DDX10: variants seen among roughly 807,000 people sequenced by gnomAD.
DDX10 encodes the protein DEAD-box helicase 10.
A neutral mutation model predicts 104.3 loss-of-function variants in DDX10; 74 were observed. The ratio of observed to expected loss-of-function variants is 0.71; its 90% CI spans 0.59 to 0.86. DDX10 has a LOEUF of 0.86. Among genes scored for constraint, DDX10 ranks in the 40% least tolerant of loss-of-function variants. The probability of loss-of-function intolerance (pLI) is 0.00; values close to 1 mark genes in which losing one functional copy is unlikely to be tolerated. For missense variants in DDX10, 952 were observed against 1,040.0 expected (o/e 0.92, Z 1.16); for synonymous variants, 351 against 353.4 (o/e 0.99, Z 0.08).
chr11:108,838,209 G>A, intron 13 of DDX10: 1 of 296,774 alleles, frequency 3.4e-6, no homozygotes, highest in Non-Finnish European at 6.3e-6. Context: ...TAGAGAAAAT[G>A]TAAACGTTAT....
intron 13 of DDX10, among the ~76,000 whole-genome samples, chr11:108,782,359 G>A (rs979005315): frequency 6.6e-6 from 1 of 152,088 alleles, no homozygotes; most frequent in Admixed American, 6.6e-5. Context: ...CTCTGGGTAT[G>A]GTTAGAATCC....
In DDX10 at chr11:108,873,921, C is replaced by T. The variant is rs551564436; in HGVS notation, c.2304+21712C>T. Reference sequence around the variant, plus strand: ...AGGTATTGGACTAAATTGGATCAAACAGTACATGAACTTGTTTCATTCAAA... The same window carrying T: ...AGGTATTGGACTAAATTGGATCAAATAGTACATGAACTTGTTTCATTCAAA... On this transcript the variant is annotated intron_variant, in intron 16 of 17. Transcript: ENST00000322536. Among the ~76,000 whole-genome samples the T allele has an allele frequency of 6.6e-5, 10 of 152,248 alleles. No homozygotes were observed. The South Asian group carries it at 2.1e-3, about 32-fold the overall frequency.
In DDX10 at chr11:108,857,376, G is replaced by T. The variant is rs185201722; in HGVS notation, c.2304+5167G>T. Among the ~76,000 whole-genome samples the T allele has an allele frequency of 5.9e-5, 9 of 152,266 alleles. No individual in the cohort carries two copies. In the East Asian group the frequency reaches 1.7e-3, roughly 29 times the overall value. On this transcript the variant is annotated intron_variant, in intron 16 of 17. Coordinates refer to ENST00000322536, the MANE Select transcript of DDX10 (RefSeq NM_004398.4). ...ATTTATCTTTCTGGGCCTGTTCTCA[G>T]CATGTGTAAAAGGTTACCCCTTTCA... is the stretch of plus-strand genomic sequence containing the variant.
intron 13 of DDX10, among the ~76,000 whole-genome samples, chr11:108,795,547 T>C (rs2134552060): frequency 8.0e-6 from 1 of 125,054 alleles, no homozygotes; most frequent in African/African-American, 3.0e-5. Flanking sequence ...TGTGTCCAAG[T>C]GTTCTCATTG....
chr11:108,882,556 G>A (rs1234306853), intron 16 of DDX10, among the ~76,000 whole-genome samples: 2 of 152,100 alleles, frequency 1.3e-5, no homozygotes, highest in Non-Finnish European at 2.9e-5. Flanking sequence ...ACAACTTCAT[G>A]GTGACATCTA....
intron 13 of DDX10, among the ~76,000 whole-genome samples, chr11:108,810,312 A>G (rs965009073): frequency 1.3e-5 from 2 of 152,224 alleles, no homozygotes; most frequent in African/African-American, 4.8e-5. Flanking sequence ...GCGGGTAAAG[A>G]TGATTAGTTT....
chr11:108,722,910 T>C, intron 12 of DDX10, 87 bp from the exon 13 acceptor site: 1 of 1,464,542 alleles, frequency 6.8e-7, no homozygotes, highest in Non-Finnish European at 9.0e-7. Flanking sequence ...GCTCTAGGAA[T>C]CTCTGCTCTT....
intron 1 of DDX10, among the ~76,000 whole-genome samples, chr11:108,666,283 G>A (rs2094210015): frequency 6.6e-6 from 1 of 152,260 alleles, no homozygotes; most frequent in South Asian, 2.1e-4. Context: ...TTCGAGACCA[G>A]CCTGACCAAC....
intron 10 of DDX10, among the ~76,000 whole-genome samples, chr11:108,710,365 C>T (rs903895634): frequency 5.9e-5 from 9 of 152,112 alleles, no homozygotes; most frequent in African/African-American, 2.2e-4. Context: ...TTAAAACCCA[C>T]ATTATACAGC....
intron 13 of DDX10, among the ~76,000 whole-genome samples, chr11:108,810,115 T>G (rs983537130): frequency 6.6e-6 from 1 of 152,178 alleles, no homozygotes. Flanking sequence ...CCGAGTTCCA[T>G]CTGAATAGAT....
At chr11:108,718,080 C>G (rs1391198669) in intron 11 of DDX10, among the ~76,000 whole-genome samples, 2 of 151,938 alleles carry the variant, frequency 1.3e-5, no homozygotes, top group African/African-American at 4.8e-5. Context: ...CATGAGAATT[C>G]CTTGAACCCT....
intron 16 of DDX10, among the ~76,000 whole-genome samples, chr11:108,861,184 C>T (rs766065438): frequency 1.6e-4 from 24 of 151,708 alleles, no homozygotes; most frequent in Non-Finnish European, 3.2e-4. Context: ...AGAGACTGGC[C>T]TAGCCTCCCA....
rs527432690 is a variant in DDX10, at chr11:108,817,793, A to G, written c.1966-20653A>G. Among the ~76,000 whole-genome samples the G allele has an allele frequency of 7.2e-5, 11 of 152,356 alleles. No individual in the cohort carries two copies. In the South Asian group the frequency reaches 2.3e-3, roughly 32 times the overall value. The stretch of plus-strand genomic sequence containing the variant: ...ACAGGAGGGCATGCAAAGTACAGAT[A>G]GAATAGGAATGACTGATGGGAAACT... On this transcript the variant is annotated intron_variant, in intron 13 of 17. Coordinates refer to ENST00000322536, the MANE Select transcript of DDX10 (RefSeq NM_004398.4).
intron 10 of DDX10, among the ~76,000 whole-genome samples, chr11:108,714,034 C>A (rs1356156228): frequency 6.6e-6 from 1 of 152,162 alleles, no homozygotes; most frequent in Non-Finnish European, 1.5e-5. Context: ...CAAGGCCCAC[C>A]CTCAGGAGAA....
intron 16 of DDX10, among the ~76,000 whole-genome samples, chr11:108,908,892 G>A (rs545767328): frequency 4.3e-4 from 66 of 152,314 alleles, no homozygotes; most frequent in African/African-American, 1.5e-3. Flanking sequence ...CTTTTTACAA[G>A]TTTTACTGAA....
At chr11:108,855,780 A>G (rs373424732) in intron 16 of DDX10, among the ~76,000 whole-genome samples, 1 of 152,156 alleles carries the variant, frequency 6.6e-6, no homozygotes, top group East Asian at 1.9e-4. Flanking sequence ...TTATTAAACA[A>G]AAGTCTGAGG....
intron 16 of DDX10, among the ~76,000 whole-genome samples, chr11:108,863,838 T>G (rs1156741691): frequency 6.6e-6 from 1 of 152,110 alleles, no homozygotes; most frequent in African/African-American, 2.4e-5. Context: ...GGTCTGTAAG[T>G]CCATATTGTG....
At chr11:108,889,837 C>T (rs917818409) in intron 16 of DDX10, among the ~76,000 whole-genome samples, 1 of 152,118 alleles carries the variant, frequency 6.6e-6, no homozygotes, top group Non-Finnish European at 1.5e-5. Context: ...TGAATAGCCA[C>T]ATCATAAGTA....
chr11:108,756,094 A>G (rs1390299075), intron 13 of DDX10, among the ~76,000 whole-genome samples: 7 of 151,982 alleles, frequency 4.6e-5, no homozygotes, highest in Non-Finnish European at 1.0e-4. Flanking sequence ...GCTTCTGGCT[A>G]TACTGATTGT....
Sources: gnomAD v4.1 joint callset for allele counts (sites outside exome capture counted in the v4.1 genomes callset) on GRCh38, gnomAD v4.1.1 for gene constraint, MANE v1.5 for transcripts, NCBI Gene and HGNC (gene_info 2026-07-23, HGNC 2026-07-21) for gene names.